Variants in RIF1 observed in about 807,000 individuals in gnomAD.
RIF1 encodes the protein replication timing regulatory factor 1.
In RIF1, 45 loss-of-function variants were observed where a neutral mutation model predicts 247.1. That is an observed-to-expected ratio of 0.18 (90% confidence interval 0.14 to 0.23). The LOEUF (loss-of-function observed/expected upper bound fraction) is 0.23. RIF1 is among the 10% of genes least tolerant of loss of function. The probability of loss-of-function intolerance (pLI) is 1.00; values close to 1 mark genes in which losing one functional copy is unlikely to be tolerated. For synonymous variants in RIF1, 1,087 were observed against 978.8 expected (o/e 1.11, Z -2.06); for missense variants, 2,967 against 2,862.5 (o/e 1.04, Z -0.83).
Position 151,433,500 on chromosome 2 carries a change from G to A in RIF1, c.1077+272G>A, listed in dbSNP as rs773862132. 5.5e-4 allele frequency among the ~76,000 whole-genome samples: 84 copies of A among 152,094 alleles called. 1 individual carries two copies. The Middle Eastern group carries it at 0.017, about 31-fold the overall frequency. ...GATGGAGTCTTGTTCTGTTTCCCAG[G>A]ATGGAGTGCAGTGGCACGATCTCGG... On this transcript the variant is annotated intron_variant, in intron 10 of 35. Transcript: ENST00000444746.
Position 151,475,183 on chromosome 2 carries a change from A to G in RIF1, c.*112A>G. 1.3e-6 allele frequency: 1 copy of G among 751,810 alleles called. No homozygotes were observed. The highest frequency in any genetic ancestry group is 2.2e-6 in the Non-Finnish European group (1 of 446,822). The allele number at this position is 751,810 out of a possible 1,614,324, so 46.6% of individuals were successfully genotyped here. ...AAAGAAGAGACTCTTTGCAAAGTTG[A>G]TAACATTTCAAACCCTGAAGGACAG... On this transcript the variant is annotated 3_prime_UTR_variant, in exon 36 of 36. Coordinates refer to ENST00000444746, the MANE Select transcript of RIF1 (RefSeq NM_018151.5).
chr2:151,429,306 G>C (rs181860700), intron 9 of RIF1, among the ~76,000 whole-genome samples: 1 of 151,876 alleles, frequency 6.6e-6, no homozygotes, highest in East Asian at 2.0e-4. Context: ...TCAGCCTCCC[G>C]AGTAGCTGGG....
At chr2:151,483,829 T>C (rs2049303064), downstream of RIF1, among the ~76,000 whole-genome samples, 1 of 152,088 alleles carries the variant, frequency 6.6e-6, no homozygotes, top group Non-Finnish European at 1.5e-5. Flanking sequence ...AAATTCTTCA[T>C]GAACTGCACA....
the RIF1 span, among the ~76,000 whole-genome samples, chr2:151,523,899 G>A: frequency 6.6e-6 from 1 of 152,058 alleles, no homozygotes; most frequent in South Asian, 2.1e-4. Flanking sequence ...AAAAAAAAAT[G>A]AATATTTTCA....
intron 20 of RIF1, among the ~76,000 whole-genome samples, chr2:151,448,317 T>C (rs1428344379): frequency 6.6e-6 from 1 of 152,140 alleles, no homozygotes; most frequent in African/African-American, 2.4e-5. Flanking sequence ...GTGTTGGGAT[T>C]ACAGGTGTGA....
Position 151,457,794 on chromosome 2 carries a change from C to G in RIF1, c.2686C>G (p.Leu896Val). 2 of 1,613,660 alleles carry G rather than the reference C, an allele frequency of 1.2e-6. No homozygotes were observed. The highest frequency in any genetic ancestry group is 1.1e-5 in the South Asian group (1 of 91,060). The change falls in exon 24 of 36, where the codon CTG (leucine) becomes GTG (valine). Residue 896 changes from leucine to valine, a missense_variant. Physicochemically the swap from Leu to Val is conservative, Grantham distance 32. Transcript: ENST00000444746. The part of the protein sequence containing the change: ...EKLLGEIIAC[L>V]QFSYTGTYDS... The stretch of plus-strand genomic sequence containing the variant: ...GCTACTGGGAGAAATTATTGCTTGT[C>G]TGCAATTCAGCTACACCGGAACTTA...
chr2:151,448,396 CT>C (rs1693694604), intron 20 of RIF1, among the ~76,000 whole-genome samples: 1 of 152,168 alleles, frequency 6.6e-6, no homozygotes, highest in Non-Finnish European at 1.5e-5. Context: ...CAAATTCCCC[CT>C]CACACGTCTT....
downstream of RIF1, among the ~76,000 whole-genome samples, chr2:151,511,619 CA>C (rs1237284629): frequency 6.6e-6 from 1 of 152,222 alleles, no homozygotes; most frequent in Admixed American, 6.5e-5. Context: ...GATCAGAAGA[CA>C]AGCACAAATT....
At position 151,436,925 on chromosome 2, in the gene RIF1, C is replaced by T. The variant is rs761780577; in HGVS notation, c.1294C>T (p.Leu432Phe). The change falls in exon 12 of 36, where the codon CTT becomes TTT. Residue 432 changes from leucine (L) to phenylalanine (F), a missense_variant. Transcript: ENST00000444746. ...AATCCCATCCATTCAACTTTTGGGA[C>T]TTGAAATGTTGCTTCATTTCTTGTT... ...ATIPSIQLLG[L>F]EMLLHFLLGP... The T allele has an allele frequency of 2.5e-6, 4 of 1,613,734 alleles. No homozygotes were observed. Among genetic ancestry groups the T allele is most frequent in the Non-Finnish European group, 3.4e-6 (4 of 1,179,916 alleles).
At position 151,468,100 on chromosome 2, in the gene RIF1, C is replaced by T. The variant is rs748031100; in HGVS notation, c.6701C>T (p.Ser2234Phe). 13 of 1,613,194 alleles carry T rather than the reference C, an allele frequency of 8.1e-6. No homozygotes were observed. Among genetic ancestry groups the T allele is most frequent in the African/African-American group, 1.3e-5 (1 of 74,860 alleles). The change falls in exon 31 of 36, where the codon TCT (serine) becomes TTT (phenylalanine). Residue 2234 changes from serine to phenylalanine, a missense_variant. Transcript: ENST00000444746. ...SIVRSHSSNS[S>F]PIGKSVKTSP... ...GTTAGGTCCCATTCTTCCAATAGTT[C>T]TCCCATAGGAAAAAGTGTTAAAACT...
chr2:151,457,698 A>G lies in RIF1; in HGVS notation c.2653-63A>G, dbSNP rs1695443631. On this transcript the variant is annotated intron_variant, in intron 23 of 35. Coordinates refer to ENST00000444746, the MANE Select transcript of RIF1 (RefSeq NM_018151.5). Reference sequence around the variant, plus strand: ...TCTTAATTTTAAAAATTGAAATAGCAACATATATTCTGTGAGTTAATATTT... The same window carrying G: ...TCTTAATTTTAAAAATTGAAATAGCGACATATATTCTGTGAGTTAATATTT... 3.3e-6 allele frequency: 4 copies of G among 1,226,828 alleles called. No homozygotes were observed. In the African/African-American group the frequency reaches 4.5e-5, roughly 14 times the overall value. 76.0% of individuals were successfully genotyped at this position (1,226,828 alleles called of 1,614,324 possible).
At chr2:151,496,727 A>C (rs754862510) in intron 10 of RIF1, among the ~76,000 whole-genome samples, 6 of 152,192 alleles carry the variant, frequency 3.9e-5, no homozygotes, top group Non-Finnish European at 8.8e-5. Context: ...TTAAAAAATG[A>C]TTGAAAATAT....
chr2:151,523,735 C>T, the RIF1 span, among the ~76,000 whole-genome samples: 1 of 152,172 alleles, frequency 6.6e-6, no homozygotes, highest in African/African-American at 2.4e-5. Flanking sequence ...ATGAGATCTG[C>T]AAGAATGTGG....
At chr2:151,501,973 CCAAGA>C (rs1485478352) in intron 11 of RIF1, among the ~76,000 whole-genome samples, 5 of 152,022 alleles carry the variant, frequency 3.3e-5, no homozygotes, top group African/African-American at 7.2e-5. Flanking sequence ...CAAAAAATAG[CCAAGA>C]CAAGTAAATT....
intron 20 of RIF1, among the ~76,000 whole-genome samples, chr2:151,447,244 CTT>C: frequency 6.6e-6 from 1 of 152,136 alleles, no homozygotes; most frequent in Admixed American, 6.5e-5. Flanking sequence ...CGCCCGGCCT[CTT>C]TCTTTCCCTC....
chr2:151,426,518 G>A (rs554823842), intron 8 of RIF1, among the ~76,000 whole-genome samples: 1 of 152,036 alleles, frequency 6.6e-6, no homozygotes, highest in Admixed American at 6.6e-5. Context: ...TTTGACGATC[G>A]ACTTCTTTAT....
At chr2:151,445,244 C>A in intron 18 of RIF1, 94 bp from the exon 19 acceptor site, 1 of 753,176 alleles carries the variant, frequency 1.3e-6, no homozygotes, top group Non-Finnish European at 2.4e-6. Flanking sequence ...TTGGGGAACA[C>A]AGTTTTGCCC....
At chr2:151,507,128 C>A (rs1652222063) in intron 13 of RIF1, 2 of 671,280 alleles carry the variant, frequency 3.0e-6, no homozygotes, top group South Asian at 3.8e-5. Flanking sequence ...AAAGTCTATG[C>A]ACAATAATTA....
chr2:151,488,815 C>T (rs1048283725), intron 9 of RIF1, among the ~76,000 whole-genome samples: 3 of 152,064 alleles, frequency 2.0e-5, no homozygotes, highest in Admixed American at 1.3e-4. Context: ...AAATAACTTA[C>T]CCCTTTCTTG....
Sources: gnomAD v4.1 joint callset for allele counts (sites outside exome capture counted in the v4.1 genomes callset) on GRCh38, gnomAD v4.1.1 for gene constraint, MANE v1.5 for transcripts, NCBI Gene and HGNC (gene_info 2026-07-23, HGNC 2026-07-21) for gene names.